Variants in PDYN observed in about 807,000 individuals in gnomAD.
The protein encoded by PDYN is prodynorphin.
A neutral mutation model predicts 11.4 loss-of-function variants in PDYN; 5 were observed. The ratio of observed to expected loss-of-function variants is 0.44; its 90% CI spans 0.23 to 0.92. The LOEUF (loss-of-function observed/expected upper bound fraction) is 0.92. Among genes scored for constraint, PDYN ranks in the 40% least tolerant of loss-of-function variants. The probability of loss-of-function intolerance (pLI) is 0.24; values close to 1 mark genes in which losing one functional copy is unlikely to be tolerated. For synonymous variants in PDYN, 132 were observed against 129.5 expected (o/e 1.02, Z -0.13); for missense variants, 337 against 317.3 (o/e 1.06, Z -0.47).
chr20:1,988,954 C>G (rs1023633681), intron 2 of PDYN, among the ~76,000 whole-genome samples: 3 of 152,174 alleles, frequency 2.0e-5, no homozygotes, highest in Non-Finnish European at 4.4e-5. Flanking sequence ...GCATCTATGT[C>G]TGTGGTTGTT....
In PDYN at chr20:1,981,475, A is replaced by G. The variant is rs143907148; in HGVS notation, c.130-517T>C. 6.4e-3 allele frequency among the ~76,000 whole-genome samples: 981 copies of G among 152,282 alleles called. 10 individuals are homozygous for G. Among genetic ancestry groups the G allele is most frequent in the African/African-American group, 0.022 (911 of 41,552 alleles). On this transcript the variant is annotated intron_variant, in intron 3 of 3. Transcript: ENST00000217305. ...TTCATAGGGCCATTGGGAGCATTCA[A>G]TCATAATGACGATGACAATAGCAAA...
chr20:1,982,708 A>G (rs1020024444), intron 3 of PDYN, among the ~76,000 whole-genome samples: 6 of 152,210 alleles, frequency 3.9e-5, no homozygotes, highest in East Asian at 1.9e-4. Flanking sequence ...GTTGCCAGGC[A>G]TCACTCTCCC....
chr20:1,991,705 A>G (rs1988456690), intron 2 of PDYN, among the ~76,000 whole-genome samples: 1 of 152,252 alleles, frequency 6.6e-6, no homozygotes, highest in Non-Finnish European at 1.5e-5. Flanking sequence ...TCAGGCATGC[A>G]TTGAAATCGA....
intron 2 of PDYN, among the ~76,000 whole-genome samples, chr20:1,984,099 T>A (rs998259887): frequency 4.6e-5 from 7 of 152,206 alleles, no homozygotes; most frequent in African/African-American, 1.7e-4. Context: ...ATGAAAATAG[T>A]CTACTATTTG....
chr20:1,982,928 G>C (rs776449004), intron 3 of PDYN, 28 bp downstream of exon 3: 2 of 1,611,208 alleles, frequency 1.2e-6, no homozygotes, highest in Non-Finnish European at 8.5e-7. Context: ...AAGGACCTGG[G>C]CATTGAAGAA....
chr20:1,985,700 G>C (rs562618331), intron 2 of PDYN, among the ~76,000 whole-genome samples: 1 of 152,192 alleles, frequency 6.6e-6, no homozygotes, highest in Non-Finnish European at 1.5e-5. Flanking sequence ...GGCTGGCAAG[G>C]TCGGCTCCCC....
intron 2 of PDYN, among the ~76,000 whole-genome samples, chr20:1,983,513 T>C (rs1987964007): frequency 6.6e-6 from 1 of 152,226 alleles, no homozygotes; most frequent in South Asian, 2.1e-4. Context: ...AGCCAGAAGA[T>C]ACTTGGCTAA....
rs1987560445 is a variant in PDYN, at chr20:1,979,230, T to A, written c.*1093A>T. 2 of 152,374 alleles carry A rather than the reference T, an allele frequency of 1.3e-5. No individual in the cohort carries two copies. Among genetic ancestry groups the A allele is most frequent in the African/African-American group, 4.8e-5 (2 of 41,474 alleles). The allele number at this position is 152,374 out of a possible 1,614,324, so 9.4% of individuals were successfully genotyped here. On this transcript the variant is annotated 3_prime_UTR_variant, in exon 4 of 4. Transcript: ENST00000217305. ...TAAGAGGAAAGAAGCATTATGGGGA[T>A]TGAAGAGGGCTTTTTCTCTTTCTAG... is the stretch of plus-strand genomic sequence containing the variant.
chr20:1,990,913 A>T (rs1262482780), intron 2 of PDYN, among the ~76,000 whole-genome samples: 1 of 151,760 alleles, frequency 6.6e-6, no homozygotes, highest in African/African-American at 2.4e-5. Context: ...AGACCGAGAC[A>T]CCGAGAAAAA....
rs1987666236 is a variant in PDYN, at chr20:1,980,410, A to G, written c.678T>C (p.Tyr226=). ...PKLKWDNQKR[Y]GGFLRRQFKV... ...TGAACTGGCGCCGGAGAAAACCGCCATAGCGCTTCTGGTTGTCCCACTTGA... is the reference window on the plus strand; with the variant it reads ...TGAACTGGCGCCGGAGAAAACCGCCGTAGCGCTTCTGGTTGTCCCACTTGA... Residue 226 remains tyrosine, a synonymous_variant, in exon 4 of 4, where the codon TAT becomes TAC. Coordinates refer to ENST00000217305, the MANE Select transcript of PDYN (RefSeq NM_024411.5). 3 of 1,614,178 alleles carry G rather than the reference A, an allele frequency of 1.9e-6. No individual in the cohort carries two copies. Among genetic ancestry groups the G allele is most frequent in the Non-Finnish European group, 2.5e-6 (3 of 1,180,024 alleles).
At chr20:1,981,896 A>G (rs1247249289) in intron 3 of PDYN, among the ~76,000 whole-genome samples, 1 of 151,732 alleles carries the variant, frequency 6.6e-6, no homozygotes, top group Admixed American at 6.6e-5. Context: ...ACTGCACTCC[A>G]GCCTGGGCAA....
At position 1,980,764 on chromosome 20, in the gene PDYN, T is replaced by C. The variant is rs1987713156; in HGVS notation, c.324A>G (p.Lys108=). ...LSGSFLKELE[K]SKFLPSISTK... ...TTGAGATACTTGGGAGAAACTTGCT[T>C]TTCTCCAGCTCCTTCAGGAATGACC... The change falls in exon 4 of 4, where the codon AAA becomes AAG. Residue 108 remains lysine, a synonymous_variant. Coordinates refer to ENST00000217305, the MANE Select transcript of PDYN (RefSeq NM_024411.5). 1 of 1,614,042 alleles carries C rather than the reference T, an allele frequency of 6.2e-7. No individual in the cohort carries two copies.
chr20:1,981,331 T>C (rs6045824), intron 3 of PDYN, among the ~76,000 whole-genome samples: 21,332 of 152,038 alleles, frequency 0.14, 1,799 homozygotes, highest in African/African-American at 0.24. Context: ...CTTCTGCAGG[T>C]GTGAAGCACA....
At chr20:1,993,788 C>G (rs1157083710) in intron 1 of PDYN, 123 bp downstream of exon 1, 2 of 152,342 alleles carry the variant, frequency 1.3e-5, no homozygotes, top group African/African-American at 4.8e-5. Context: ...ACCACCTTTG[C>G]TAGATAATCA....
chr20:1,991,079 G>A lies in PDYN; in HGVS notation c.-20+1505C>T, dbSNP rs1988423536. ...TGAACACAATAAGAGAGAGAGAAGT[G>A]GGGAGGGAGAGTAGATTTTGATTCA... On this transcript the variant is annotated intron_variant, in intron 2 of 3. Transcript: ENST00000217305. 2.6e-5 allele frequency among the ~76,000 whole-genome samples: 4 copies of A among 152,014 alleles called. No homozygotes were observed. The South Asian group carries it at 6.2e-4, about 24-fold the overall frequency.
In PDYN at chr20:1,983,013, C is replaced by T. The variant is rs745951521; in HGVS notation, c.72G>A (p.Ser24=). The T allele has an allele frequency of 6.5e-5, 105 of 1,613,944 alleles. No individual in the cohort carries two copies. The highest frequency in any genetic ancestry group is 4.9e-4 in the South Asian group (45 of 91,082). The change falls in exon 3 of 4, where the codon TCG becomes TCA. Residue 24 remains serine (S), a synonymous_variant. Transcript: ENST00000217305. Reference sequence around the variant, plus strand: ...TCTTTACAGCACACAAGGAGCACCGCGACAGGCAGTCCGCTGTGGTGGAGG... The same window carrying T: ...TCTTTACAGCACACAAGGAGCACCGTGACAGGCAGTCCGCTGTGGTGGAGG... ...MFPSTTADCL[S]RCSLCAVKTQ...
intron 1 of PDYN, chr20:1,993,691 T>A (rs1482728466): frequency 1.3e-5 from 2 of 152,254 alleles, no homozygotes; most frequent in African/African-American, 2.4e-5. Flanking sequence ...GCTTACCACC[T>A]GTTTAAGCCA....
Position 1,980,265 on chromosome 20 carries a change from C to T in PDYN, c.*58G>A, listed in dbSNP as rs1987646957. 1.9e-5 allele frequency: 30 copies of T among 1,564,324 alleles called. No individual in the cohort carries two copies. The highest frequency in any genetic ancestry group is 2.6e-5 in the Non-Finnish European group (29 of 1,135,480). ...ACATATAAGAGGATGAATGAATGCA[C>T]TCCAACCTGAAAAGGTGTCAGGGGT... On this transcript the variant is annotated 3_prime_UTR_variant, in exon 4 of 4. Transcript: ENST00000217305.
intron 2 of PDYN, among the ~76,000 whole-genome samples, chr20:1,985,233 G>A (rs1052108190): frequency 5.3e-5 from 8 of 152,140 alleles, no homozygotes; most frequent in South Asian, 2.1e-4. Flanking sequence ...GGGTCTCCCC[G>A]TTAAAGCATG....
Sources: gnomAD v4.1 joint callset for allele counts (sites outside exome capture counted in the v4.1 genomes callset) on GRCh38, gnomAD v4.1.1 for gene constraint, MANE v1.5 for transcripts, NCBI Gene and HGNC (gene_info 2026-07-23, HGNC 2026-07-21) for gene names.